Variants in ZNF846 observed in about 807,000 individuals in gnomAD.
ZNF846 encodes the protein zinc finger protein 420 pseudogene.
Under a neutral mutation model 16.0 loss-of-function variants are expected in ZNF846, and 15 were observed. The observed-to-expected ratio is 0.94, with a 90% CI of 0.63 to 1.45. ZNF846 has a LOEUF of 1.45. Among genes scored for constraint, ZNF846 ranks in the 40% most tolerant of loss-of-function variants. ZNF846 has a pLI of 0.00. For missense variants in ZNF846, 714 were observed against 622.3 expected, an observed-to-expected ratio of 1.15 and a Z score of -1.57; for synonymous variants, 229 against 212.0, an observed-to-expected ratio of 1.08 and a Z score of -0.70.
chr19:9,784,738 G>A (rs2045541251), intron 1 of ZNF846, among the ~76,000 whole-genome samples: 1 of 152,066 alleles, frequency 6.6e-6, no homozygotes, highest in Non-Finnish European at 1.5e-5. Context: ...GGTGCCTGCG[G>A]CCTTCCACAG....
intron 1 of ZNF846, among the ~76,000 whole-genome samples, chr19:9,775,762 T>C (rs1404576534): frequency 6.6e-6 from 1 of 152,158 alleles, no homozygotes; most frequent in East Asian, 1.9e-4. Context: ...GTGGGGTCCC[T>C]TGTGGGCAGC....
At chr19:9,785,674 C>A (rs2045552748) in intron 1 of ZNF846, among the ~76,000 whole-genome samples, 1 of 74,806 alleles carries the variant, frequency 1.3e-5, no homozygotes, top group African/African-American at 5.4e-5. Flanking sequence ...CGCCCCATCT[C>A]CCCCTCACCG....
At chr19:9,756,378 TATATATAA>T (rs1455827742), downstream of ZNF846, 1 of 133,272 alleles carries the variant, frequency 7.5e-6, no homozygotes, top group African/African-American at 3.0e-5. Context: ...TATATATATA[TATATATAA>T]AGACATTCCC....
chr19:9,761,973 G>C lies in ZNF846; in HGVS notation c.229+109C>G. 16 of 828,368 alleles carry C rather than the reference G, an allele frequency of 1.9e-5. No individual in the cohort carries two copies. The South Asian group carries it at 2.7e-4, about 14-fold the overall frequency. 51.3% of individuals were successfully genotyped at this position (828,368 alleles called of 1,614,324 possible). On this transcript the variant is annotated intron_variant, in intron 4 of 5. Transcript: ENST00000397902. The stretch of plus-strand genomic sequence containing the variant: ...AAACCAAATGGCCTCAGCCTTCTCA[G>C]GAAGAAGAGTATACCCTGAGAAGTT...
chr19:9,773,760 C>G (rs538699784), intron 1 of ZNF846, among the ~76,000 whole-genome samples: 10 of 151,640 alleles, frequency 6.6e-5, no homozygotes, highest in African/African-American at 2.4e-4. Flanking sequence ...TCAGCCTGGG[C>G]GACAGAGCGA....
chr19:9,765,148 G>T, intron 1 of ZNF846, 113 bp from the exon 2 acceptor site: 1 of 587,820 alleles, frequency 1.7e-6, no homozygotes, highest in East Asian at 3.1e-5. Flanking sequence ...CAAGGTAGGC[G>T]AATCACTTGA....
chr19:9,753,036 G>C (rs561887122), downstream of ZNF846, among the ~76,000 whole-genome samples: 2 of 151,540 alleles, frequency 1.3e-5, no homozygotes, highest in Non-Finnish European at 2.9e-5. Context: ...TTCACAGAGA[G>C]CCATCTTCTT....
At chr19:9,771,912 T>C (rs1478271006), upstream of ZNF846, among the ~76,000 whole-genome samples, 1 of 152,002 alleles carries the variant, frequency 6.6e-6, no homozygotes, top group Admixed American at 6.6e-5. Context: ...AGACTACAGG[T>C]GCACACCACC....
chr19:9,757,501 T>C (rs2145190430), exon 6 of ZNF846: 1 of 1,602,082 alleles, frequency 6.2e-7, no homozygotes, highest in East Asian at 2.2e-5. Context: ...GCCTTAGTTC[T>C]TAGATGTTTA....
exon 3 of ZNF846, chr19:9,763,316 C>A (rs767154504): frequency 1.2e-6 from 2 of 1,607,070 alleles, no homozygotes; most frequent in Admixed American, 3.4e-5. Flanking sequence ...TCTCCAACAT[C>A]ACATCTCTGT....
intron 4 of ZNF846, among the ~76,000 whole-genome samples, chr19:9,761,201 T>TCAAACAAA (rs112582546): frequency 8.6e-5 from 13 of 151,012 alleles, no homozygotes; most frequent in South Asian, 2.1e-4. Flanking sequence ...AGACTCTGTC[T>TCAAACAAA]CAAACAAACA....
At chr19:9,765,500 G>A (rs143214537) in intron 1 of ZNF846, among the ~76,000 whole-genome samples, 217 of 152,218 alleles carry the variant, frequency 1.4e-3, no homozygotes, top group African/African-American at 4.7e-3. Flanking sequence ...GTGAAACCCC[G>A]TCTCTACTAA....
At chr19:9,757,374 A>G (rs186110290), downstream of ZNF846, 25 of 959,722 alleles carry the variant, frequency 2.6e-5, no homozygotes, top group East Asian at 5.4e-4. Context: ...TTCCTATTAT[A>G]TAAGATATGG....
intron 1 of ZNF846, among the ~76,000 whole-genome samples, chr19:9,782,115 G>T (rs2045507944): frequency 6.6e-6 from 1 of 152,012 alleles, no homozygotes; most frequent in Non-Finnish European, 1.5e-5. Context: ...AGAGATAGAA[G>T]AACTTTCCCT....
intron 5 of ZNF846, among the ~76,000 whole-genome samples, chr19:9,759,076 G>A (rs1291094280): frequency 6.6e-6 from 1 of 151,686 alleles, no homozygotes; most frequent in Non-Finnish European, 1.5e-5. Flanking sequence ...TTGACTCACA[G>A]CAATCTCTGC....
At chr19:9,782,491 G>A (rs2045512023) in intron 1 of ZNF846, among the ~76,000 whole-genome samples, 1 of 152,028 alleles carries the variant, frequency 6.6e-6, no homozygotes, top group Admixed American at 6.6e-5. Flanking sequence ...TCCAACTCCT[G>A]GTCTCAGGCA....
chr19:9,768,058 G>A (rs1285189312), intron 1 of ZNF846, among the ~76,000 whole-genome samples: 1 of 152,136 alleles, frequency 6.6e-6, no homozygotes, highest in African/African-American at 2.4e-5. Context: ...AAGCCCCTCC[G>A]TTTTGAAGCT....
intron 1 of ZNF846, among the ~76,000 whole-genome samples, chr19:9,780,784 C>T (rs963449726): frequency 6.6e-6 from 1 of 152,154 alleles, no homozygotes; most frequent in Non-Finnish European, 1.5e-5. Context: ...TTCTAATGTT[C>T]CACAGTTAGA....
downstream of ZNF846, chr19:9,755,540 C>T (rs1337645864): frequency 1.3e-5 from 2 of 151,194 alleles, no homozygotes; most frequent in Admixed American, 6.6e-5. Context: ...GTGGCTCACG[C>T]CTGTAATCCC....
Sources: gnomAD v4.1 joint callset for allele counts (sites outside exome capture counted in the v4.1 genomes callset) on GRCh38, gnomAD v4.1.1 for gene constraint, MANE v1.5 for transcripts, NCBI Gene and HGNC (gene_info 2026-07-23, HGNC 2026-07-21) for gene names.